INO80: variants seen among roughly 807,000 people sequenced by gnomAD.
The protein encoded by INO80 is chromatin-remodeling ATPase INO80.
In INO80, 20 loss-of-function variants were observed where a neutral mutation model predicts 203.4. The ratio of observed to expected loss-of-function variants is 0.10; its 90% confidence interval spans 0.07 to 0.14. The LOEUF (loss-of-function observed/expected upper bound fraction) is 0.14. Among genes scored for constraint, INO80 ranks in the 10% least tolerant of loss-of-function variants. The pLI is 1.00. For missense variants in INO80, 1,419 were observed against 1,914.4 expected, an observed-to-expected ratio of 0.74 and a Z score of 4.83; for synonymous variants, 726 against 685.2, an observed-to-expected ratio of 1.06 and a Z score of -0.93.
In INO80 at chr15:41,058,698, C is replaced by T. The variant is rs751991620; in HGVS notation, c.1926G>A (p.Gln642=). ...QLVVQDVKYF[Q]RVKWQYMVLD... The stretch of plus-strand genomic sequence containing the variant: ...GTACCATGTATTGCCACTTGACCCG[C>T]TGGAAATACTTTACATCCTGCACCA... The change falls in exon 16 of 36, where the codon CAG becomes CAA. Residue 642 remains glutamine, a synonymous_variant. Coordinates refer to ENST00000648947, the MANE Select transcript of INO80 (RefSeq NM_017553.3). The T allele has an allele frequency of 1.2e-5, 19 of 1,613,734 alleles. No homozygotes were observed. The highest frequency in any genetic ancestry group is 1.6e-4 in the Middle Eastern group (1 of 6,082).
chr15:41,006,004 A>G (rs995526090), intron 27 of INO80, among the ~76,000 whole-genome samples: 3 of 150,066 alleles, frequency 2.0e-5, no homozygotes, highest in African/African-American at 7.3e-5. Flanking sequence ...ATAGTTTTTC[A>G]GTCATCAACC....
At chr15:41,021,957 G>A (rs946484413) in intron 25 of INO80, among the ~76,000 whole-genome samples, 1 of 152,234 alleles carries the variant, frequency 6.6e-6, no homozygotes, top group African/African-American at 2.4e-5. Flanking sequence ...AACTGGTAAG[G>A]AACTTGAAGA....
At chr15:40,984,526 T>TC in intron 32 of INO80, among the ~76,000 whole-genome samples, 174 bp from the exon 33 acceptor site, 1 of 151,914 alleles carries the variant, frequency 6.6e-6, no homozygotes, top group East Asian at 1.9e-4. Context: ...TTAACAGGAG[T>TC]TTGTGTGTAT....
chr15:41,032,814 C>A (rs1179569098), intron 24 of INO80, among the ~76,000 whole-genome samples: 1 of 152,038 alleles, frequency 6.6e-6, no homozygotes, highest in Non-Finnish European at 1.5e-5. Context: ...CTGAGGAGGG[C>A]GGATCACGAG....
intron 1 of INO80, among the ~76,000 whole-genome samples, chr15:41,102,624 C>T (rs1210695254): frequency 1.3e-5 from 2 of 151,886 alleles, no homozygotes; most frequent in Non-Finnish European, 2.9e-5. Context: ...GAGCCAGTAT[C>T]GTGCACACTG....
chr15:40,980,458 G>C lies in INO80; in HGVS notation c.4454-18C>G, dbSNP rs569219390. 9.4e-6 allele frequency: 15 copies of C among 1,593,980 alleles called. No homozygotes were observed. The African/African-American group carries it at 1.7e-4, about 19-fold the overall frequency. Reference sequence around the variant, plus strand: ...GGAGATTCCTGTGGGGACGGAGAGAGACAAGAACGTAAGCACCAGTCCCGC... The same window carrying C: ...GGAGATTCCTGTGGGGACGGAGAGACACAAGAACGTAAGCACCAGTCCCGC... On this transcript the variant is annotated intron_variant, in intron 35 of 35. Coordinates refer to ENST00000648947, the MANE Select transcript of INO80 (RefSeq NM_017553.3).
chr15:41,003,276 A>G (rs2043987797), intron 28 of INO80, among the ~76,000 whole-genome samples: 1 of 151,726 alleles, frequency 6.6e-6, no homozygotes, highest in Admixed American at 6.6e-5. Flanking sequence ...ATTAAAGACT[A>G]GAGGATATAC....
intron 27 of INO80, among the ~76,000 whole-genome samples, chr15:41,010,686 A>G (rs185806847): frequency 6.6e-6 from 1 of 152,350 alleles, no homozygotes; most frequent in African/African-American, 2.4e-5. Context: ...CTGATCTATC[A>G]TCATCATAAA....
At chr15:41,063,772 A>C (rs1448602492) in intron 14 of INO80, among the ~76,000 whole-genome samples, 2 of 152,250 alleles carry the variant, frequency 1.3e-5, no homozygotes, top group East Asian at 1.9e-4. Flanking sequence ...CGTCTCAAAA[A>C]GAGAAATGCA....
intron 34 of INO80, 127 bp from the exon 35 acceptor site, chr15:40,983,204 G>A: frequency 1.5e-6 from 1 of 665,722 alleles, no homozygotes; most frequent in Non-Finnish European, 2.5e-6. Context: ...CCATGAGGAG[G>A]TCTATGTCTC....
At chr15:41,084,768 C>T (rs998552734) in intron 7 of INO80, among the ~76,000 whole-genome samples, 2 of 152,076 alleles carry the variant, frequency 1.3e-5, no homozygotes, top group African/African-American at 2.4e-5. Context: ...TATTATGTTA[C>T]ACATTCTGTT....
intron 14 of INO80, among the ~76,000 whole-genome samples, chr15:41,068,719 G>A (rs924148740): frequency 6.6e-6 from 1 of 152,096 alleles, no homozygotes; most frequent in Admixed American, 6.6e-5. Flanking sequence ...AATTAGCTGG[G>A]CATGGTGGCA....
intron 14 of INO80, among the ~76,000 whole-genome samples, chr15:41,060,664 G>T (rs2045087850): frequency 6.6e-6 from 1 of 152,114 alleles, no homozygotes; most frequent in Non-Finnish European, 1.5e-5. Context: ...GGAAGTCAAA[G>T]GCTACAAGGT....
At chr15:40,985,139 TTGTG>T (rs1334042977) in intron 32 of INO80, among the ~76,000 whole-genome samples, 195 bp downstream of exon 32, 3 of 152,104 alleles carry the variant, frequency 2.0e-5, no homozygotes, top group African/African-American at 7.2e-5. Flanking sequence ...AAGGGTGAGT[TTGTG>T]TGGAGAGTAC....
chr15:40,988,463 C>T (rs2043770901), intron 29 of INO80, among the ~76,000 whole-genome samples: 1 of 152,216 alleles, frequency 6.6e-6, no homozygotes, highest in Non-Finnish European at 1.5e-5. Flanking sequence ...CTAAGCACCA[C>T]TGCTCCCAAC....
chr15:40,995,470 T>A (rs775149484), intron 29 of INO80, among the ~76,000 whole-genome samples: 16 of 152,186 alleles, frequency 1.1e-4, no homozygotes, highest in Non-Finnish European at 1.9e-4. Context: ...AATTAAGCTA[T>A]AAAGGTAGAT....
intron 24 of INO80, among the ~76,000 whole-genome samples, chr15:41,041,487 C>A (rs141866783): frequency 8.0e-5 from 12 of 150,896 alleles, no homozygotes; most frequent in African/African-American, 2.7e-4. Flanking sequence ...GTTCCCCAGG[C>A]TGGAGTGTAA....
At chr15:41,098,745 A>G (rs371319422) in intron 1 of INO80, among the ~76,000 whole-genome samples, 42 of 152,300 alleles carry the variant, frequency 2.8e-4, no homozygotes, top group African/African-American at 1.0e-3. Context: ...ATCCACATAT[A>G]CAACTTTTTT....
intron 14 of INO80, among the ~76,000 whole-genome samples, chr15:41,062,045 T>C (rs1596302923): frequency 6.6e-6 from 1 of 152,186 alleles, no homozygotes; most frequent in South Asian, 2.1e-4. Flanking sequence ...AGCAGAAATA[T>C]GCAGGAAGAA....
Sources: allele counts gnomAD v4.1 joint callset (sites outside exome capture counted in the v4.1 genomes callset), GRCh38; gene constraint gnomAD v4.1.1; transcripts MANE v1.5; gene names NCBI Gene and HGNC (gene_info 2026-07-23, HGNC 2026-07-21).